CPED1: variants seen among roughly 807,000 people sequenced by gnomAD.
CPED1 encodes cadherin-like and PC-esterase domain-containing protein 1.
A neutral mutation model predicts 128.2 loss-of-function variants in CPED1; 114 were observed. The observed-to-expected ratio is 0.89, with a 90% CI of 0.76 to 1.04. The LOEUF is 1.04. Among genes scored for constraint, CPED1 ranks in the 50% least tolerant of loss-of-function variants. The probability of loss-of-function intolerance (pLI) is 0.00; values close to 1 mark genes in which losing one functional copy is unlikely to be tolerated. For missense variants in CPED1, 1,211 were observed against 1,207.1 expected, an observed-to-expected ratio of 1.00 and a Z score of -0.05; for synonymous variants, 462 against 426.7, an observed-to-expected ratio of 1.08 and a Z score of -1.02.
chr7:121,280,638 CA>C (rs1330288676), intron 22 of CPED1, among the ~76,000 whole-genome samples: 19 of 152,258 alleles, frequency 1.2e-4, no homozygotes, highest in African/African-American at 4.3e-4. Flanking sequence ...TCCCTTCAAT[CA>C]AAACACAGTT....
chr7:121,008,111 T>A (rs1050232338), intron 2 of CPED1, among the ~76,000 whole-genome samples: 1 of 152,132 alleles, frequency 6.6e-6, no homozygotes, highest in Non-Finnish European at 1.5e-5. Context: ...ATCAGGGTAC[T>A]CATCCATCCA....
intron 18 of CPED1, among the ~76,000 whole-genome samples, chr7:121,264,251 GC>G (rs1376857952): frequency 7.2e-5 from 11 of 152,066 alleles, no homozygotes; most frequent in Admixed American, 7.2e-4. Context: ...CCTTATGGCA[GC>G]CCTAGGAAAA....
At chr7:121,099,660 T>C (rs1794792870) in intron 6 of CPED1, among the ~76,000 whole-genome samples, 1 of 152,132 alleles carries the variant, frequency 6.6e-6, no homozygotes. Flanking sequence ...GTCACTACGC[T>C]CAGCCACCTT....
At chr7:121,255,208 A>G (rs1328623273) in intron 18 of CPED1, among the ~76,000 whole-genome samples, 1 of 152,074 alleles carries the variant, frequency 6.6e-6, no homozygotes, top group Non-Finnish European at 1.5e-5. Flanking sequence ...AGATTAATAC[A>G]CTACAACCAA....
chr7:121,228,817 C>T (rs975011584), intron 16 of CPED1, among the ~76,000 whole-genome samples: 1 of 151,908 alleles, frequency 6.6e-6, no homozygotes, highest in South Asian at 2.1e-4. Context: ...AATGAAATTA[C>T]TTTATTTGTA....
chr7:121,223,124 C>T (rs1158532490), intron 16 of CPED1, among the ~76,000 whole-genome samples: 2 of 152,060 alleles, frequency 1.3e-5, no homozygotes, highest in Non-Finnish European at 2.9e-5. Context: ...TTTTGAGATA[C>T]GTTCCATCAA....
chr7:121,214,803 T>C (rs568098534), intron 16 of CPED1, among the ~76,000 whole-genome samples: 1 of 152,208 alleles, frequency 6.6e-6, no homozygotes, highest in East Asian at 1.9e-4. Context: ...CATTAGCATT[T>C]CTGAGCTGAA....
intron 7 of CPED1, among the ~76,000 whole-genome samples, chr7:121,105,364 T>G (rs916360022): frequency 2.0e-5 from 3 of 152,214 alleles, no homozygotes; most frequent in Non-Finnish European, 4.4e-5. Context: ...AAGTATAAAG[T>G]GACAGTATGG....
At chr7:121,034,251 T>TC (rs1554424885) in intron 3 of CPED1, among the ~76,000 whole-genome samples, 4 of 142,032 alleles carry the variant, frequency 2.8e-5, no homozygotes, top group Non-Finnish European at 4.6e-5. Context: ...TTTTTTCTTT[T>TC]TTTTTTTTTT....
intron 16 of CPED1, among the ~76,000 whole-genome samples, chr7:121,194,578 C>G (rs772625589): frequency 6.6e-6 from 1 of 152,006 alleles, no homozygotes; most frequent in Non-Finnish European, 1.5e-5. Flanking sequence ...TTAAATCTGT[C>G]AAGCTTTAAA....
intron 4 of CPED1, among the ~76,000 whole-genome samples, chr7:121,055,794 T>G (rs1793482645): frequency 1.3e-5 from 2 of 151,892 alleles, no homozygotes; most frequent in South Asian, 4.1e-4. Flanking sequence ...AGAGATGTTT[T>G]GGAAACTGTT....
chr7:120,989,214 A>G (rs990461020), intron 1 of CPED1, 177 bp from the exon 2 acceptor site: 6 of 188,454 alleles, frequency 3.2e-5, no homozygotes, highest in African/African-American at 1.2e-4. Context: ...CAGACTCCAG[A>G]TATACTTTGG....
intron 22 of CPED1, among the ~76,000 whole-genome samples, chr7:121,291,985 A>G (rs981038250): frequency 1.3e-5 from 2 of 151,752 alleles, no homozygotes; most frequent in African/African-American, 2.4e-5. Context: ...ATCAATGCCT[A>G]GTTGGGGTTG....
chr7:121,077,659 T>TTA (rs544690885), intron 5 of CPED1, among the ~76,000 whole-genome samples: 42 of 150,872 alleles, frequency 2.8e-4, no homozygotes, highest in Admixed American at 2.2e-3. Context: ...AATGCATACA[T>TTA]TATATATATA....
chr7:121,212,190 A>G (rs1291789488), intron 16 of CPED1, among the ~76,000 whole-genome samples: 1 of 152,036 alleles, frequency 6.6e-6, no homozygotes, highest in African/African-American at 2.4e-5. Flanking sequence ...AACTGATACC[A>G]TATGCTTTAC....
At chr7:121,228,721 C>T (rs1420099087) in intron 16 of CPED1, among the ~76,000 whole-genome samples, 3 of 151,858 alleles carry the variant, frequency 2.0e-5, no homozygotes. Flanking sequence ...TTCACAATAG[C>T]AAAGATATGA....
intron 7 of CPED1, among the ~76,000 whole-genome samples, chr7:121,105,048 A>G (rs908215227): frequency 3.3e-5 from 5 of 151,990 alleles, no homozygotes; most frequent in Non-Finnish European, 7.4e-5. Flanking sequence ...GCTCTCTACC[A>G]CCGCTGCACT....
At chr7:121,129,998 G>A (rs1795622353) in intron 11 of CPED1, 127 bp from the exon 12 acceptor site, 1 of 787,492 alleles carries the variant, frequency 1.3e-6, no homozygotes, top group African/African-American at 1.8e-5. Flanking sequence ...CTAATTTATG[G>A]TACTGACCAA....
chr7:121,122,344 T>C (rs1230427724), intron 7 of CPED1, among the ~76,000 whole-genome samples: 3 of 152,282 alleles, frequency 2.0e-5, no homozygotes, highest in Admixed American at 1.3e-4. Context: ...TTTCATCATG[T>C]TGGCCAGGCT....
Sources: allele counts gnomAD v4.1 joint callset (sites outside exome capture counted in the v4.1 genomes callset), GRCh38; gene constraint gnomAD v4.1.1; transcripts MANE v1.5; gene names NCBI Gene and HGNC (gene_info 2026-07-23, HGNC 2026-07-21).